DOK6: variants seen among roughly 807,000 people sequenced by gnomAD.
DOK6 encodes downstream of tyrosine kinase 6.
DOK6 carries 22 observed loss-of-function variants against 44.0 expected under a neutral mutation model. That is an observed-to-expected ratio of 0.50 (90% CI 0.36 to 0.71). The LOEUF (loss-of-function observed/expected upper bound fraction) is 0.71. Among genes scored for constraint, DOK6 ranks in the 30% least tolerant of loss-of-function variants. The pLI is 0.00. For missense variants in DOK6, 340 were observed against 416.4 expected (o/e 0.82, Z 1.60); for synonymous variants, 166 against 145.5 (o/e 1.14, Z -1.01).
intron 3 of DOK6, among the ~76,000 whole-genome samples, chr18:69,670,476 G>A (rs1356694563): frequency 6.7e-6 from 1 of 148,882 alleles, no homozygotes; most frequent in African/African-American, 2.5e-5. Flanking sequence ...CTTGATTATT[G>A]TATTCTTGAG....
At chr18:69,826,057 G>A (rs1981731531) in intron 7 of DOK6, among the ~76,000 whole-genome samples, 1 of 152,154 alleles carries the variant, frequency 6.6e-6, no homozygotes, top group Non-Finnish European at 1.5e-5. Flanking sequence ...ATTACTGTCT[G>A]TGTACTTCAG....
intron 3 of DOK6, among the ~76,000 whole-genome samples, chr18:69,654,324 A>G (rs1353676027): frequency 6.6e-6 from 1 of 152,226 alleles, no homozygotes. Context: ...ATATGACAAA[A>G]GACATCAAGA....
At chr18:69,763,238 T>A (rs1211809453) in intron 7 of DOK6, among the ~76,000 whole-genome samples, 1 of 152,240 alleles carries the variant, frequency 6.6e-6, no homozygotes, top group African/African-American at 2.4e-5. Flanking sequence ...TTGTAGCAGG[T>A]TGAGTTATGC....
intron 3 of DOK6, among the ~76,000 whole-genome samples, chr18:69,642,484 T>C (rs1265913857): frequency 6.6e-6 from 1 of 152,190 alleles, no homozygotes; most frequent in Non-Finnish European, 1.5e-5. Flanking sequence ...ATAATGAGAC[T>C]TCATCTCTTA....
At chr18:69,769,242 T>A (rs894328662) in intron 7 of DOK6, among the ~76,000 whole-genome samples, 2 of 152,050 alleles carry the variant, frequency 1.3e-5, no homozygotes, top group Admixed American at 6.6e-5. Context: ...AGTACAAAAT[T>A]TCTTACTGAC....
chr18:69,676,226 T>A (rs949631293), intron 3 of DOK6, among the ~76,000 whole-genome samples: 9 of 152,210 alleles, frequency 5.9e-5, no homozygotes, highest in African/African-American at 2.2e-4. Context: ...ATTGGAACTA[T>A]TATTTTTATT....
chr18:69,702,214 G>A (rs951653407), intron 5 of DOK6, among the ~76,000 whole-genome samples: 5 of 147,682 alleles, frequency 3.4e-5, no homozygotes, highest in African/African-American at 1.3e-4. Context: ...ATAAAAGAGT[G>A]TACTGCTGGG....
At chr18:69,556,114 C>G (rs1345723554) in intron 1 of DOK6, among the ~76,000 whole-genome samples, 1 of 152,084 alleles carries the variant, frequency 6.6e-6, no homozygotes, top group Non-Finnish European at 1.5e-5. Flanking sequence ...GATTTAAGTT[C>G]TATTGTGTTC....
chr18:69,740,313 C>T (rs1028556139), intron 6 of DOK6, among the ~76,000 whole-genome samples: 15 of 152,158 alleles, frequency 9.9e-5, no homozygotes, highest in South Asian at 2.1e-4. Flanking sequence ...GTTTTTCTAG[C>T]GATTAAAATC....
chr18:69,702,134 G>GTT (rs34123199), intron 5 of DOK6, among the ~76,000 whole-genome samples: 2,473 of 126,310 alleles, frequency 0.02, 73 homozygotes, highest in African/African-American at 0.064. Flanking sequence ...TTCTGGGTTG[G>GTT]TTTTTTTTTT....
At chr18:69,720,692 A>G (rs78117180) in intron 5 of DOK6, among the ~76,000 whole-genome samples, 1 of 152,164 alleles carries the variant, frequency 6.6e-6, no homozygotes, top group Non-Finnish European at 1.5e-5. Context: ...TATGCTTAGC[A>G]TAGTGATTGT....
At chr18:69,450,591 T>G (rs1002810306) in intron 1 of DOK6, among the ~76,000 whole-genome samples, 2 of 149,412 alleles carry the variant, frequency 1.3e-5, no homozygotes, top group Admixed American at 6.7e-5. Context: ...GAAGAGCAAC[T>G]CCAAGACACA....
chr18:69,701,757 C>T (rs1175465304), intron 5 of DOK6, among the ~76,000 whole-genome samples: 3 of 152,064 alleles, frequency 2.0e-5, no homozygotes, highest in African/African-American at 7.2e-5. Flanking sequence ...TAATTTTTAA[C>T]AATTAGAAAT....
intron 7 of DOK6, among the ~76,000 whole-genome samples, chr18:69,834,719 T>G (rs969855120): frequency 6.6e-6 from 1 of 152,214 alleles, no homozygotes; most frequent in African/African-American, 2.4e-5. Context: ...TATTACAAGA[T>G]GTCGTAGAGA....
At chr18:69,638,376 C>G (rs1002611547) in intron 3 of DOK6, among the ~76,000 whole-genome samples, 1 of 152,130 alleles carries the variant, frequency 6.6e-6, no homozygotes, top group African/African-American at 2.4e-5. Flanking sequence ...ACTATCTCTT[C>G]TGATTCTGAT....
At chr18:69,568,247 C>T (rs1983033308) in intron 2 of DOK6, among the ~76,000 whole-genome samples, 1 of 152,210 alleles carries the variant, frequency 6.6e-6, no homozygotes, top group African/African-American at 2.4e-5. Flanking sequence ...ATAGTGGCTC[C>T]AAGCCAGGTA....
chr18:69,529,994 T>C (rs1052933273), intron 1 of DOK6, among the ~76,000 whole-genome samples: 2 of 152,174 alleles, frequency 1.3e-5, no homozygotes, highest in Admixed American at 6.6e-5. Context: ...CCATTACTTA[T>C]CTATCAAATT....
At chr18:69,681,289 G>C (rs4539706) in intron 4 of DOK6, among the ~76,000 whole-genome samples, 18,550 of 152,104 alleles carry the variant, frequency 0.12, 1,312 homozygotes, top group South Asian at 0.22. Flanking sequence ...GCAATTTTTT[G>C]ACATTCAAAA....
intron 1 of DOK6, among the ~76,000 whole-genome samples, chr18:69,448,442 G>T (rs143000384): frequency 0.02 from 3,043 of 152,178 alleles, 99 homozygotes; most frequent in African/African-American, 0.069. Flanking sequence ...CGCGTTCTCA[G>T]CTCACTGCAA....
Sources: gnomAD v4.1 joint callset for allele counts (sites outside exome capture counted in the v4.1 genomes callset) on GRCh38, gnomAD v4.1.1 for gene constraint, MANE v1.5 for transcripts, NCBI Gene and HGNC (gene_info 2026-07-23, HGNC 2026-07-21) for gene names.